The following COL6A1 variants were observed in gnomAD, a reference collection of about 807,000 sequenced individuals.
COL6A1 encodes the protein collagen alpha-1(VI) chain.
In COL6A1, 80 loss-of-function variants were observed where a neutral mutation model predicts 145.6. That is an observed-to-expected ratio of 0.55 (90% CI 0.46 to 0.66). COL6A1 has a LOEUF of 0.66. Among genes scored for constraint, COL6A1 ranks in the 30% least tolerant of loss-of-function variants. COL6A1 has a pLI of 0.00. For missense variants in COL6A1, 1,364 were observed against 1,473.8 expected (o/e 0.93, Z 1.22); for synonymous variants, 638 against 622.8 (o/e 1.02, Z -0.36).
intron 8 of COL6A1, among the ~76,000 whole-genome samples, chr21:45,988,536 G>A (rs897625395): frequency 1.3e-5 from 2 of 152,154 alleles, no homozygotes; most frequent in African/African-American, 2.4e-5. Flanking sequence ...GGACTGTCCC[G>A]GGGGCGCTGG....
rs374143697 is a variant in COL6A1, at chr21:45,991,011, C to T, written c.1089C>T (p.Asp363=). 2.5e-6 allele frequency: 4 copies of T among 1,613,296 alleles called. No homozygotes were observed. In the African/African-American group the frequency reaches 4.0e-5, roughly 16 times the overall value. ...GIQGPPGPKG[D]PGAFGLKGEK... ...AAGGACCCCCTGGCCCCAAGGGAGA[C>T]CCCGGTGCCTTTGGACTGAAAGGAG... Residue 363 remains aspartate, a synonymous_variant, in exon 15 of 35, where the codon GAC becomes GAT. Coordinates refer to ENST00000361866, the MANE Select transcript of COL6A1 (RefSeq NM_001848.3).
chr21:45,991,014 C>T lies in COL6A1; in HGVS notation c.1092C>T (p.Pro364=), dbSNP rs368088970. 53 of 1,613,266 alleles carry T rather than the reference C, an allele frequency of 3.3e-5. No homozygotes were observed. The East Asian group carries it at 5.3e-4, about 16-fold the overall frequency. ...GACCCCCTGGCCCCAAGGGAGACCCCGGTGCCTTTGGACTGAAAGGAGAAA... is the reference window on the plus strand; with the variant it reads ...GACCCCCTGGCCCCAAGGGAGACCCTGGTGCCTTTGGACTGAAAGGAGAAA... The part of the protein sequence containing the change: ...IQGPPGPKGD[P]GAFGLKGEKG... Residue 364 remains proline (P), a synonymous_variant, in exon 15 of 35, where the codon CCC becomes CCT. Coordinates refer to ENST00000361866, the MANE Select transcript of COL6A1 (RefSeq NM_001848.3).
chr21:45,981,802 C>G lies in COL6A1; in HGVS notation c.-49C>G. The G allele has an allele frequency of 7.0e-7, 1 of 1,431,432 alleles. No homozygotes were observed. The highest frequency in any genetic ancestry group is 9.5e-7 in the Non-Finnish European group (1 of 1,052,104). 88.7% of individuals were successfully genotyped at this position (1,431,432 alleles called of 1,614,324 possible). On this transcript the variant is annotated 5_prime_UTR_variant, in exon 1 of 35. Transcript: ENST00000361866. ...AGCCTCGGTCTCTGGGCGGCGGCGG[C>G]GGCCCACTCTGCCCTGGCCGCGCTG...
chr21:46,004,044 C>G lies in COL6A1; in HGVS notation c.*31C>G. 6.2e-7 allele frequency: 1 copy of G among 1,612,246 alleles called. No individual in the cohort carries two copies. The highest frequency in any genetic ancestry group is 1.3e-5 in the African/African-American group (1 of 75,064). On this transcript the variant is annotated 3_prime_UTR_variant, in exon 35 of 35. Transcript: ENST00000361866. The stretch of plus-strand genomic sequence containing the variant: ...CCTGCACGCCGGCACCAAACCCTGT[C>G]CTCCCACCCCTCCCCACTCATCACT...
rs775223650 is a variant in COL6A1, at chr21:46,002,111, C to T, written c.2066+41C>T. On this transcript the variant is annotated intron_variant, in intron 31 of 34. Coordinates refer to ENST00000361866, the MANE Select transcript of COL6A1 (RefSeq NM_001848.3). ...GGCCAGGACCCTCCCACCCCTCGCC[C>T]CGACCGCTGTTCCCACGGCAGGTCG... The T allele has an allele frequency of 5.0e-6, 8 of 1,588,106 alleles. No homozygotes were observed. The Admixed American group carries it at 1.1e-4, about 21-fold the overall frequency.
chr21:45,994,274 T>C lies in COL6A1; in HGVS notation c.1398+45T>C. The C allele has an allele frequency of 1.3e-6, 2 of 1,574,496 alleles. No homozygotes were observed. The highest frequency in any genetic ancestry group is 1.7e-6 in the Non-Finnish European group (2 of 1,156,444). On this transcript the variant is annotated intron_variant, in intron 20 of 34. Transcript: ENST00000361866. The surrounding 1 kb of genome is among the most constrained non-coding windows in gnomAD (Gnocchi z 6.8). The stretch of plus-strand genomic sequence containing the variant: ...TGGGGGGCGTTGGCCAATTTGGGTT[T>C]TGGGGGTAGAAGTGCTCCAGCAGCT...
At position 46,002,705 on chromosome 21, in the gene COL6A1, G is replaced by T. The variant is rs753146633; in HGVS notation, c.2429G>T (p.Cys810Phe). ...AFLKNVTAQI[C>F]IDKKCPDYTC... ...CTGAAGAATGTCACCGCCCAGATCT[G>T]CATAGGTGCGCATGGGGCCACCCGG... The change falls in exon 33 of 35, where the codon TGC becomes TTC. Residue 810 changes from cysteine to phenylalanine, a missense_variant. By Grantham distance (205) the Cys-to-Phe change is radical. Around this residue, in one of 3 missense-constraint regions of COL6A1, gnomAD observed 938 missense variants for 1,003.8 expected, o/e 0.93. Transcript: ENST00000361866. 1 of 1,612,512 alleles carries T rather than the reference G, an allele frequency of 6.2e-7. No individual in the cohort carries two copies. Among genetic ancestry groups the T allele is most frequent in the Non-Finnish European group, 8.5e-7 (1 of 1,179,476 alleles).
intron 30 of COL6A1, 125 bp from the exon 31 acceptor site, chr21:46,001,836 C>G (rs979883405): frequency 3.8e-6 from 3 of 792,018 alleles, no homozygotes; most frequent in Non-Finnish European, 6.3e-6. Flanking sequence ...CGCAGGGGAC[C>G]CAGGTCCTGA....
chr21:46,004,456 C>T lies in COL6A1; in HGVS notation c.*443C>T. 3.2e-6 allele frequency: 1 copy of T among 316,220 alleles called. No individual in the cohort carries two copies. Among genetic ancestry groups the T allele is most frequent in the Non-Finnish European group, 6.2e-6 (1 of 160,026 alleles). The allele number at this position is 316,220 out of a possible 1,614,324, so 19.6% of individuals were successfully genotyped here. On this transcript the variant is annotated 3_prime_UTR_variant, in exon 35 of 35. Transcript: ENST00000361866. ...CATCCCACCAGCCTGAGCAAGACGC[C>T]CTCTCGGGGCCTGTGCCGCACTAGC...
rs527265374 is a variant in COL6A1 at position 46,003,596 on chromosome 21, G to A, written c.2670G>A (p.Ser890=). 66 of 1,612,814 alleles carry A rather than the reference G, an allele frequency of 4.1e-5. No individual in the cohort carries two copies. In the East Asian group the frequency reaches 5.1e-4, roughly 13 times the overall value. The part of the protein sequence containing the change: ...GTGQQRPERA[S]LQFLQNYTAL... ...GCCAGCAGCGCCCAGAGCGGGCGTC[G>A]CTGCAGTTCCTGCAGAACTACACGG... is the stretch of plus-strand genomic sequence containing the variant. Residue 890 remains serine (S), a synonymous_variant, in exon 35 of 35, where the codon TCG becomes TCA. Coordinates refer to ENST00000361866, the MANE Select transcript of COL6A1 (RefSeq NM_001848.3).
chr21:45,984,307 G>T lies in COL6A1; in HGVS notation c.266G>T (p.Gly89Val). 1.2e-6 allele frequency: 2 copies of T among 1,611,338 alleles called. No homozygotes were observed. Among genetic ancestry groups the T allele is most frequent in the Non-Finnish European group, 1.7e-6 (2 of 1,179,366 alleles). ...RCDRNLVWNA[G>V]ALHYSDEVEI... Reference sequence around the variant, plus strand: ...GACCGAAACCTGGTGTGGAACGCAGGCGCGCTGCACTACAGTGACGAGGTG... The same window carrying T: ...GACCGAAACCTGGTGTGGAACGCAGTCGCGCTGCACTACAGTGACGAGGTG... Residue 89 changes from glycine to valine, a missense_variant, in exon 3 of 35, where the codon GGC (glycine) becomes GTC (valine). This residue lies in a region of COL6A1 where 414 missense variants were observed against 437.6 expected (regional missense o/e 0.95). Transcript: ENST00000361866.
chr21:45,995,982 C>T (rs1240500898), intron 20 of COL6A1, among the ~76,000 whole-genome samples: 1 of 152,250 alleles, frequency 6.6e-6, no homozygotes, highest in African/African-American at 2.4e-5. Flanking sequence ...CCAGCCTTAC[C>T]CCTCCCCTCC....
In COL6A1 at chr21:45,984,508, C is replaced by T. The variant is rs148766287; in HGVS notation, c.428+39C>T. 2.3e-4 allele frequency: 360 copies of T among 1,588,550 alleles called. 4 individuals carry two copies. In the African/African-American group the frequency reaches 3.9e-3, roughly 17 times the overall value. ...AGCCTCCTGCCCACGCCAGTTCTCA[C>T]GCGTGGTACCCAGCCTGGGCTGGGG... On this transcript the variant is annotated intron_variant, in intron 3 of 34. Transcript: ENST00000361866.
In COL6A1 at chr21:46,003,523, A is replaced by G; in HGVS notation, c.2597A>G (p.Asp866Gly). 6.2e-7 allele frequency: 1 copy of G among 1,611,528 alleles called. No homozygotes were observed. The highest frequency in any genetic ancestry group is 1.1e-5 in the South Asian group (1 of 90,974). Residue 866 changes from aspartate to glycine, a missense_variant, in exon 35 of 35, where the codon GAC becomes GGC. Asp to Gly is a moderately conservative substitution (Grantham distance 94). This residue lies in a region of COL6A1 where 938 missense variants were observed against 1,003.8 expected (regional missense o/e 0.93). Coordinates refer to ENST00000361866, the MANE Select transcript of COL6A1 (RefSeq NM_001848.3). Reference protein sequence around the residue: ...AERFLTAGRTDPAHDVRVAVV... With the variant: ...AERFLTAGRTGPAHDVRVAVV... ...CGCTTCCTCACAGCGGGCAGGACGG[A>G]CCCCGCCCACGACGTGCGGGTGGCG...
At position 46,003,431 on chromosome 21, in the gene COL6A1, C is replaced by G; in HGVS notation, c.2505C>G (p.Asp835Glu). The change falls in exon 35 of 35, where the codon GAC becomes GAG. Residue 835 changes from aspartate (D) to glutamate (E), a missense_variant. Transcript: ENST00000361866. The stretch of plus-strand genomic sequence containing the variant: ...CGGCTGACATCACCATCCTGCTGGA[C>G]GGCTCCGCCAGCGTGGGCAGCCACA... ...SSPADITILL[D>E]GSASVGSHNF... 6.2e-7 allele frequency: 1 copy of G among 1,602,998 alleles called. No individual in the cohort carries two copies. The highest frequency in any genetic ancestry group is 8.5e-7 in the Non-Finnish European group (1 of 1,179,768).
At chr21:45,999,942 G>A (rs796279310) in intron 27 of COL6A1, among the ~76,000 whole-genome samples, 203 of 1,116 alleles carry the variant, frequency 0.18, 10 homozygotes, top group Middle Eastern at 0.25. Flanking sequence ...TCATGGGGGG[G>A]ACGTGTGAGG....
rs374635319 is a variant in COL6A1, at chr21:46,003,520, C to T, written c.2594C>T (p.Thr865Met). 5.6e-6 allele frequency: 9 copies of T among 1,611,590 alleles called. No individual in the cohort carries two copies. Among genetic ancestry groups the T allele is most frequent in the East Asian group, 2.2e-5 (1 of 44,846 alleles). ...LAERFLTAGR[T>M]DPAHDVRVAV... is the part of the protein sequence containing the mutation. ...GAGCGCTTCCTCACAGCGGGCAGGA[C>T]GGACCCCGCCCACGACGTGCGGGTG... The change falls in exon 35 of 35, where the codon ACG becomes ATG. Residue 865 changes from threonine (T) to methionine (M), a missense_variant. Thr to Met is a moderately conservative substitution (Grantham distance 81). This residue lies in a region of COL6A1 where 938 missense variants were observed against 1,003.8 expected (regional missense o/e 0.93). Coordinates refer to ENST00000361866, the MANE Select transcript of COL6A1 (RefSeq NM_001848.3).
At position 45,994,421 on chromosome 21, in the gene COL6A1, G is replaced by C. The variant is rs1282386227; in HGVS notation, c.1398+192G>C. On this transcript the variant is annotated intron_variant, in intron 20 of 34. Coordinates refer to ENST00000361866, the MANE Select transcript of COL6A1 (RefSeq NM_001848.3). The surrounding 1 kb of genome is among the most constrained non-coding windows in gnomAD (Gnocchi z 6.8). ...GCGCGGCCTGGGCCGGGCTGGTGTG[G>C]ATTGTTGAGAGCAGGCCCAGCGCCC... 6.6e-6 allele frequency among the ~76,000 whole-genome samples: 1 copy of C among 152,110 alleles called. No homozygotes were observed. Among genetic ancestry groups the C allele is most frequent in the Non-Finnish European group, 1.5e-5 (1 of 67,996 alleles).
chr21:45,997,378 G>A, intron 20 of COL6A1, 43 bp from the exon 21 acceptor site: 1 of 1,587,648 alleles, frequency 6.3e-7, no homozygotes, highest in Non-Finnish European at 8.6e-7. Flanking sequence ...GCTCAGGCTG[G>A]GTGAGGCCTG....
Sources: allele counts gnomAD v4.1 joint callset (sites outside exome capture counted in the v4.1 genomes callset), GRCh38; gene constraint gnomAD v4.1.1; regional missense constraint gnomAD v4.1.1; non-coding constraint Gnocchi (gnomAD v3.1); transcripts MANE v1.5; gene names NCBI Gene and HGNC (gene_info 2026-07-23, HGNC 2026-07-21).